DYRK1A: variants seen among roughly 807,000 people sequenced by gnomAD.
DYRK1A encodes the protein dual specificity tyrosine-phosphorylation-regulated kinase 1A.
DYRK1A carries 9 observed loss-of-function variants against 79.7 expected under a neutral mutation model. The ratio of observed to expected loss-of-function variants is 0.11; its 90% confidence interval spans 0.07 to 0.20. The LOEUF (loss-of-function observed/expected upper bound fraction) is 0.20. Ranked by LOEUF, DYRK1A falls within the 10% of genes least tolerant of loss-of-function variation. DYRK1A has a pLI of 1.00. For synonymous variants in DYRK1A, 349 were observed against 329.7 expected (o/e 1.06, Z -0.63); for missense variants, 622 against 956.0 (o/e 0.65, Z 4.61).
At chr21:37,495,155 TGTGTG>T (rs2053226172) in intron 8 of DYRK1A, among the ~76,000 whole-genome samples, 2 of 4,206 alleles carry the variant, frequency 4.8e-4, no homozygotes, top group Admixed American at 6.9e-3. Context: ...TGGGATTTTG[TGTGTG>T]TGTGTGTGTG....
At chr21:37,430,297 T>C in intron 2 of DYRK1A, 1 of 969,082 alleles carries the variant, frequency 1.0e-6, no homozygotes, top group Non-Finnish European at 1.2e-6. Context: ...AACAGAGAAC[T>C]ATACTGGAAG....
At chr21:37,421,538 T>C (rs1399022987) in intron 2 of DYRK1A, among the ~76,000 whole-genome samples, 1 of 152,160 alleles carries the variant, frequency 6.6e-6, no homozygotes, top group Non-Finnish European at 1.5e-5. Flanking sequence ...TCATCTCTGT[T>C]ACGCATCTAT....
At chr21:37,504,980 T>G (rs2053552440) in intron 9 of DYRK1A, 1 of 270,726 alleles carries the variant, frequency 3.7e-6, no homozygotes, top group Admixed American at 4.9e-5. Flanking sequence ...TTTACAACCT[T>G]TGAAAACAGA....
At chr21:37,395,755 A>T (rs190668101) in intron 1 of DYRK1A, among the ~76,000 whole-genome samples, 1 of 152,258 alleles carries the variant, frequency 6.6e-6, no homozygotes, top group East Asian at 1.9e-4. Context: ...CATTTAATGG[A>T]TTAAAAAGAA....
In DYRK1A at chr21:37,457,534, G is replaced by T. The variant is rs138534006; in HGVS notation, c.11-15150G>T. Among the ~76,000 whole-genome samples the T allele has an allele frequency of 5.8e-3, 885 of 152,258 alleles. 4 individuals are homozygous for T. The highest frequency in any genetic ancestry group is 0.012 in the South Asian group (56 of 4,830). On this transcript the variant is annotated intron_variant, in intron 2 of 11. Coordinates refer to ENST00000647188, the MANE Select transcript of DYRK1A (RefSeq NM_001347721.2). ...TTACAGGCATGTGCCACCGCGGCTG[G>T]CCTTTTGTGTTTAACTTTTAAAGCG...
At chr21:37,414,250 T>TC (rs368414532) in intron 1 of DYRK1A, among the ~76,000 whole-genome samples, 171 of 151,888 alleles carry the variant, frequency 1.1e-3, no homozygotes, top group African/African-American at 4.1e-3. Flanking sequence ...TCTCTGTTTT[T>TC]CCTCCCTTTT....
Position 37,520,796 on chromosome 21 carries a change from G to C in DYRK1A, c.*8265G>C, listed in dbSNP as rs574765164. 3 of 152,358 alleles carry C rather than the reference G, an allele frequency of 2.0e-5. No homozygotes were observed. The East Asian group carries it at 5.8e-4, about 30-fold the overall frequency. The allele number at this position is 152,358 out of a possible 1,614,324, so 9.4% of individuals were successfully genotyped here. ...GCGCTCAGAGGCCTTTGGCACGATG[G>C]GTCCTCCCAGCAGGGGCTCCAGCGC... On this transcript the variant is annotated 3_prime_UTR_variant, in exon 12 of 12. Transcript: ENST00000647188.
intron 2 of DYRK1A, among the ~76,000 whole-genome samples, chr21:37,453,479 A>G (rs2051527696): frequency 6.6e-6 from 1 of 151,952 alleles, no homozygotes. Context: ...AGGCAGGAGC[A>G]TATTTTTATG....
intron 1 of DYRK1A, among the ~76,000 whole-genome samples, chr21:37,387,101 G>A (rs764235200): frequency 6.6e-6 from 1 of 152,168 alleles, no homozygotes; most frequent in African/African-American, 2.4e-5. Context: ...GTGTGCAAGT[G>A]GGTTCTGAAC....
At chr21:37,461,875 TTA>T (rs1421941853) in intron 2 of DYRK1A, among the ~76,000 whole-genome samples, 1 of 151,588 alleles carries the variant, frequency 6.6e-6, no homozygotes, top group African/African-American at 2.4e-5. Flanking sequence ...TTTTTTTTTT[TTA>T]AACTTGTTTT....
chr21:37,373,079 CATAGAATG>C (rs148574902), intron 1 of DYRK1A, among the ~76,000 whole-genome samples: 2,980 of 152,260 alleles, frequency 0.02, 35 homozygotes, highest in Non-Finnish European at 0.029. Flanking sequence ...GGTTTAGATT[CATAGAATG>C]ATAGAATGCG....
chr21:37,480,764 G>A lies in DYRK1A; in HGVS notation c.427G>A (p.Gly143Arg), dbSNP rs1463551651. 3 of 1,612,096 alleles carry A rather than the reference G, an allele frequency of 1.9e-6. No individual in the cohort carries two copies. The highest frequency in any genetic ancestry group is 1.1e-5 in the South Asian group (1 of 90,650). Residue 143 changes from glycine to arginine, a missense_variant, in exon 5 of 12, where the codon GGA becomes AGA. Physicochemically the swap from Gly to Arg is moderately radical, Grantham distance 125. Coordinates refer to ENST00000647188, the MANE Select transcript of DYRK1A (RefSeq NM_001347721.2). ...TAACTATGATTATATTGTAAAAAAC[G>A]GAGAAAAGTGGATGGATCGTTACGA... ...DDNYDYIVKN[G>R]EKWMDRYEID...
At chr21:37,470,455 G>A (rs1386466492) in intron 2 of DYRK1A, among the ~76,000 whole-genome samples, 1 of 152,112 alleles carries the variant, frequency 6.6e-6, no homozygotes, top group African/African-American at 2.4e-5. Context: ...TGTGTCACAG[G>A]TTTCATTCTG....
At chr21:37,493,422 C>T (rs2053162436) in intron 8 of DYRK1A, among the ~76,000 whole-genome samples, 1 of 152,132 alleles carries the variant, frequency 6.6e-6, no homozygotes, top group Non-Finnish European at 1.5e-5. Flanking sequence ...ATACATTTTA[C>T]AGGTTTTAAA....
chr21:37,516,177 AGT>A lies in DYRK1A; in HGVS notation c.*3648_*3649del, dbSNP rs1332465640. 7 of 152,198 alleles carry A rather than the reference AGT, an allele frequency of 4.6e-5. No homozygotes were observed. Among genetic ancestry groups the A allele is most frequent in the Admixed American group, 3.9e-4 (6 of 15,282 alleles). 9.4% of individuals were successfully genotyped at this position (152,198 alleles called of 1,614,324 possible). A position where few individuals can be genotyped will look rare whatever the true frequency, so the allele number is the denominator to read the frequency against. The stretch of plus-strand genomic sequence containing the variant: ...GACTCATTTTTATGTCCATTTTTAT[AGT>A]GGTAGACTGTATGTAATAGACCAGA... On this transcript the variant is annotated 3_prime_UTR_variant, in exon 12 of 12. Transcript: ENST00000647188.
rs2053885073 is a variant in DYRK1A at position 37,516,781 on chromosome 21, A to G, written c.*4250A>G. On this transcript the variant is annotated 3_prime_UTR_variant, in exon 12 of 12. Transcript: ENST00000647188. ...TGTTCTTGCATCAGAACTTTAAAAA[A>G]AATAACACTACCTTAACACTGAGAC... 6.6e-6 allele frequency: 1 copy of G among 152,234 alleles called. No individual in the cohort carries two copies. Among genetic ancestry groups the G allele is most frequent in the African/African-American group, 2.4e-5 (1 of 41,474 alleles). 9.4% of individuals were successfully genotyped at this position (152,234 alleles called of 1,614,324 possible). A position where few individuals can be genotyped will look rare whatever the true frequency, so the allele number is the denominator to read the frequency against.
chr21:37,372,961 AT>A (rs1290695506), intron 1 of DYRK1A, among the ~76,000 whole-genome samples: 6 of 152,172 alleles, frequency 3.9e-5, no homozygotes, highest in Admixed American at 6.5e-5. Flanking sequence ...ATTAAATTTC[AT>A]TTAATATAAT....
In DYRK1A at chr21:37,517,489, T is replaced by G. The variant is rs1429658588; in HGVS notation, c.*4958T>G. 2.6e-5 allele frequency: 4 copies of G among 152,344 alleles called. No individual in the cohort carries two copies. The East Asian group carries it at 7.7e-4, about 29-fold the overall frequency. 9.4% of individuals were successfully genotyped at this position (152,344 alleles called of 1,614,324 possible). On this transcript the variant is annotated 3_prime_UTR_variant, in exon 12 of 12. Transcript: ENST00000647188. ...TTTCTTTATTCTTGTAAAGTTTTGC[T>G]TCCATTATATACTCATTCATTAGTC... is the stretch of plus-strand genomic sequence containing the variant.
At chr21:37,479,920 C>T (rs1310911454) in intron 4 of DYRK1A, among the ~76,000 whole-genome samples, 1 of 152,072 alleles carries the variant, frequency 6.6e-6, no homozygotes, top group East Asian at 1.9e-4. Context: ...AGCCACCGCG[C>T]CTGGCCCAGA....
Sources: allele counts gnomAD v4.1 joint callset (sites outside exome capture counted in the v4.1 genomes callset), GRCh38; gene constraint gnomAD v4.1.1; transcripts MANE v1.5; gene names NCBI Gene and HGNC (gene_info 2026-07-23, HGNC 2026-07-21).